Variants in RBFOX1 observed in about 807,000 individuals in gnomAD.
RBFOX1 encodes the protein RNA binding protein fox-1 homolog 1.
In RBFOX1, 8 loss-of-function variants were observed where a neutral mutation model predicts 57.7. That is an observed-to-expected ratio of 0.14 (90% CI 0.08 to 0.25). The LOEUF (loss-of-function observed/expected upper bound fraction) is 0.25. Among genes scored for constraint, RBFOX1 ranks in the 10% least tolerant of loss-of-function variants. RBFOX1 has a pLI of 1.00. For missense variants in RBFOX1, 611 were observed against 548.5 expected, an observed-to-expected ratio of 1.11 and a Z score of -1.14; for synonymous variants, 326 against 222.4, an observed-to-expected ratio of 1.47 and a Z score of -4.15.
intron 1 of RBFOX1, among the ~76,000 whole-genome samples, chr16:5,386,552 C>G (rs1451373830): frequency 6.6e-6 from 1 of 152,164 alleles, no homozygotes; most frequent in African/African-American, 2.4e-5. Flanking sequence ...CAGACGTTAA[C>G]TCACTGGCCA....
intron 3 of RBFOX1, among the ~76,000 whole-genome samples, chr16:6,723,408 A>C (rs979803092): frequency 6.6e-6 from 1 of 152,218 alleles, no homozygotes; most frequent in South Asian, 2.1e-4. Context: ...AGATACCACT[A>C]TGGAGTTATC....
At chr16:7,521,946 G>A (rs1459456225) in intron 5 of RBFOX1, among the ~76,000 whole-genome samples, 2 of 152,166 alleles carry the variant, frequency 1.3e-5, no homozygotes, top group African/African-American at 2.4e-5. Context: ...TGTCCTGCAA[G>A]TTCAGGCTCC....
At chr16:6,937,905 C>A (rs1204228294) in intron 3 of RBFOX1, among the ~76,000 whole-genome samples, 5 of 137,912 alleles carry the variant, frequency 3.6e-5, no homozygotes, top group Non-Finnish European at 6.0e-5. Context: ...TGAGGCATTC[C>A]TATCATGGTC....
intron 4 of RBFOX1, among the ~76,000 whole-genome samples, chr16:7,373,625 C>G (rs1030660088): frequency 6.6e-6 from 1 of 152,172 alleles, no homozygotes; most frequent in Non-Finnish European, 1.5e-5. Context: ...ACAGAGGAAA[C>G]AGGGCTTCTG....
chr16:6,324,238 TAAC>T (rs1242615211), intron 2 of RBFOX1, among the ~76,000 whole-genome samples: 4 of 149,052 alleles, frequency 2.7e-5, no homozygotes, highest in Admixed American at 2.7e-4. Context: ...ACATAACTCT[TAAC>T]AACACATTTG....
intron 3 of RBFOX1, among the ~76,000 whole-genome samples, chr16:5,755,628 C>T (rs1425335523): frequency 3.9e-5 from 6 of 152,188 alleles, no homozygotes; most frequent in African/African-American, 1.4e-4. Context: ...GACAGTGTTT[C>T]ACTCTTGTTG....
At chr16:7,400,446 G>C (rs1187394106) in intron 4 of RBFOX1, among the ~76,000 whole-genome samples, 3 of 152,138 alleles carry the variant, frequency 2.0e-5, no homozygotes, top group South Asian at 2.1e-4. Context: ...AAAAACACAA[G>C]AAAGTCCAGG....
chr16:7,058,320 C>G (rs184770819), intron 4 of RBFOX1, among the ~76,000 whole-genome samples: 247 of 152,230 alleles, frequency 1.6e-3, no homozygotes, highest in African/African-American at 5.7e-3. Flanking sequence ...ACTTTCTAAG[C>G]TTTCTTTTTT....
chr16:6,660,330 A>T (rs2098693100), intron 3 of RBFOX1, among the ~76,000 whole-genome samples: 1 of 152,154 alleles, frequency 6.6e-6, no homozygotes, highest in Non-Finnish European at 1.5e-5. Flanking sequence ...AGGTGCAGCC[A>T]ACCACTATGA....
At chr16:5,902,732 G>C (rs891113394) in intron 4 of RBFOX1, among the ~76,000 whole-genome samples, 2 of 152,052 alleles carry the variant, frequency 1.3e-5, no homozygotes, top group African/African-American at 4.8e-5. Context: ...AATCATAGAG[G>C]ACAAGAAGCC....
chr16:7,302,373 G>C (rs962512281), intron 4 of RBFOX1, among the ~76,000 whole-genome samples: 1 of 152,156 alleles, frequency 6.6e-6, no homozygotes, highest in African/African-American at 2.4e-5. Context: ...GTTGTGCCTT[G>C]CGAGCTGATG....
chr16:6,099,171 G>A (rs2096277489), intron 1 of RBFOX1, among the ~76,000 whole-genome samples: 1 of 152,214 alleles, frequency 6.6e-6, no homozygotes, highest in Non-Finnish European at 1.5e-5. Flanking sequence ...CTGGGGGAAT[G>A]GATAACTCCA....
chr16:5,856,601 A>ATATG (rs1555547889), intron 3 of RBFOX1, among the ~76,000 whole-genome samples: 3 of 107,306 alleles, frequency 2.8e-5, no homozygotes, highest in African/African-American at 1.1e-4. Context: ...ATATATATAT[A>ATATG]TATAATCTTA....
At position 6,823,113 on chromosome 16, in the gene RBFOX1, G is replaced by C. The variant is rs78188664; in HGVS notation, c.-16+168463G>C. ...GGAGACTGAGCATCAGAGGGTCATA[G>C]CCATTTTATGAAGCCTGTATTTGAT... On this transcript the variant is annotated intron_variant, in intron 3 of 15. Transcript: ENST00000550418. Among the ~76,000 whole-genome samples, 1,117 of 152,240 alleles carry C rather than the reference G, an allele frequency of 7.3e-3. 18 individuals carry two copies. Among genetic ancestry groups the C allele is most frequent in the African/African-American group, 0.025 (1,054 of 41,546 alleles).
intron 1 of RBFOX1, among the ~76,000 whole-genome samples, chr16:5,349,905 C>A (rs764609949): frequency 1.3e-5 from 2 of 152,146 alleles, no homozygotes; most frequent in Non-Finnish European, 2.9e-5. Flanking sequence ...CACCATCCAC[C>A]GGCTCCCACT....
chr16:7,054,399 C>T (rs1345813303), intron 4 of RBFOX1, among the ~76,000 whole-genome samples: 4 of 151,660 alleles, frequency 2.6e-5, no homozygotes, highest in African/African-American at 9.7e-5. Context: ...GCCACCACGC[C>T]CAGCTAATTT....
intron 3 of RBFOX1, among the ~76,000 whole-genome samples, chr16:6,966,047 A>C (rs1038202567): frequency 6.6e-6 from 1 of 152,178 alleles, no homozygotes; most frequent in African/African-American, 2.4e-5. Context: ...TTATCTTAGA[A>C]ATAAGAACCT....
chr16:6,639,375 T>C (rs1324526712), intron 2 of RBFOX1, among the ~76,000 whole-genome samples: 2 of 152,114 alleles, frequency 1.3e-5, no homozygotes, highest in Admixed American at 6.5e-5. Flanking sequence ...TGAGATAGAC[T>C]ATCTATCAGC....
intron 4 of RBFOX1, among the ~76,000 whole-genome samples, chr16:5,932,226 C>T (rs1210510493): frequency 6.6e-6 from 1 of 152,140 alleles, no homozygotes; most frequent in Non-Finnish European, 1.5e-5. Context: ...AGTTAGAGAT[C>T]AGTGAGAAGG....
Sources: gnomAD v4.1 joint callset for allele counts (sites outside exome capture counted in the v4.1 genomes callset) on GRCh38, gnomAD v4.1.1 for gene constraint, MANE v1.5 for transcripts, NCBI Gene and HGNC (gene_info 2026-07-23, HGNC 2026-07-21) for gene names.